The following EVI5 variants were observed in gnomAD, a reference collection of about 807,000 sequenced individuals.
The protein encoded by EVI5 is ecotropic viral integration site 5 protein homolog.
A neutral mutation model predicts 112.0 loss-of-function variants in EVI5; 73 were observed. The ratio of observed to expected loss-of-function variants is 0.65; its 90% CI spans 0.54 to 0.79. The LOEUF is 0.79. Among genes scored for constraint, EVI5 ranks in the 30% least tolerant of loss-of-function variants. The pLI is 0.00. For missense variants in EVI5, 900 were observed against 968.8 expected (o/e 0.93, Z 0.94); for synonymous variants, 305 against 319.9 (o/e 0.95, Z 0.50).
chr1:92,790,992 G>A (rs1281585680), intron 1 of EVI5, among the ~76,000 whole-genome samples: 1 of 152,110 alleles, frequency 6.6e-6, no homozygotes, highest in Non-Finnish European at 1.5e-5. Context: ...GACTAGATCT[G>A]CCATGACTAT....
chr1:92,571,105 T>C (rs1670263469), intron 18 of EVI5, among the ~76,000 whole-genome samples: 1 of 151,440 alleles, frequency 6.6e-6, no homozygotes, highest in Non-Finnish European at 1.5e-5. Flanking sequence ...GTTGGGTTTC[T>C]TCCGCAAAAC....
chr1:92,779,561 C>T (rs1052948865), intron 1 of EVI5, among the ~76,000 whole-genome samples: 1 of 151,664 alleles, frequency 6.6e-6, no homozygotes, highest in African/African-American at 2.4e-5. Flanking sequence ...TTTTAACATT[C>T]TCAGAGAGAT....
At chr1:92,768,823 C>A (rs1004721596) in intron 1 of EVI5, among the ~76,000 whole-genome samples, 1 of 152,096 alleles carries the variant, frequency 6.6e-6, no homozygotes, top group African/African-American at 2.4e-5. Context: ...TGCAGTGAGC[C>A]ATGAACGCAC....
At position 92,702,203 on chromosome 1, in the gene EVI5, C is replaced by G. The variant is rs1026491309; in HGVS notation, c.577G>C (p.Val193Leu). 2 of 1,509,280 alleles carry G rather than the reference C, an allele frequency of 1.3e-6. No individual in the cohort carries two copies. Among genetic ancestry groups the G allele is most frequent in the Non-Finnish European group, 1.8e-6 (2 of 1,133,284 alleles). 93.5% of individuals were successfully genotyped at this position (1,509,280 alleles called of 1,614,324 possible). ...LFNVMKAYSL[V>L]DREVGYCQGS... ...TGACAGTAACCAACCTCACGATCTA[C>G]TAAAGAGTAAGCCTAAAAAGTAAAA... The change falls in exon 5 of 20, where the codon GTA becomes CTA. Residue 193 changes from valine (V) to leucine (L), a missense_variant. By Grantham distance (32) the Val-to-Leu change is conservative. Coordinates refer to ENST00000684568, the MANE Select transcript of EVI5 (RefSeq NM_001350197.2).
chr1:92,699,533 G>T (rs779770494), intron 5 of EVI5, among the ~76,000 whole-genome samples: 2 of 152,098 alleles, frequency 1.3e-5, no homozygotes, highest in African/African-American at 2.4e-5. Context: ...CACAGCACTG[G>T]AAGGGGACAG....
rs1269918734 is a variant in EVI5 at position 92,726,097 on chromosome 1, G to A, written c.149+10301C>T. ...AACAACTTCAAGTGGCCTAATATGT[G>A]TGTACTTAGAGTCTCTAAAGAAGAG... On this transcript the variant is annotated intron_variant, in intron 2 of 19. Coordinates refer to ENST00000684568, the MANE Select transcript of EVI5 (RefSeq NM_001350197.2). Among the ~76,000 whole-genome samples the A allele has an allele frequency of 2.6e-5, 4 of 152,292 alleles. No homozygotes were observed. The East Asian group carries it at 7.7e-4, about 29-fold the overall frequency.
At chr1:92,545,353 G>A (rs1004096766) in intron 19 of EVI5, among the ~76,000 whole-genome samples, 2 of 151,308 alleles carry the variant, frequency 1.3e-5, no homozygotes, top group South Asian at 4.2e-4. Flanking sequence ...TGAGACTATA[G>A]GCCATTGTGC....
In EVI5 at chr1:92,680,120, G is replaced by C. The variant is rs75281831; in HGVS notation, c.1098-2902C>G. ...ATTTTCTATACACTATTAACAGAGTGATCTTTTTTTAAAATGTTGATTTGG... is the reference window on the plus strand; with the variant it reads ...ATTTTCTATACACTATTAACAGAGTCATCTTTTTTTAAAATGTTGATTTGG... On this transcript the variant is annotated intron_variant, in intron 9 of 19. Transcript: ENST00000684568. Among the ~76,000 whole-genome samples the C allele has an allele frequency of 5.7e-3, 870 of 152,270 alleles. 7 individuals carry two copies. The highest frequency in any genetic ancestry group is 0.02 in the African/African-American group (838 of 41,552).
rs189250533 is a variant in EVI5, at chr1:92,546,794, G to A, written c.2166+16848C>T. Among the ~76,000 whole-genome samples, 315 of 152,250 alleles carry A rather than the reference G, an allele frequency of 2.1e-3. 6 individuals are homozygous for A. Among genetic ancestry groups the A allele is most frequent in the Admixed American group, 0.019 (289 of 15,306 alleles). Reference sequence around the variant, plus strand: ...TAAAGGGATCAATTCAACAAGAAGAGCTAACTATCCTAAACACGTATCACC... The same window carrying A: ...TAAAGGGATCAATTCAACAAGAAGAACTAACTATCCTAAACACGTATCACC... On this transcript the variant is annotated intron_variant, in intron 19 of 19. Transcript: ENST00000684568.
intron 18 of EVI5, among the ~76,000 whole-genome samples, chr1:92,565,045 A>C (rs548799199): frequency 6.6e-6 from 1 of 152,296 alleles, no homozygotes; most frequent in East Asian, 1.9e-4. Flanking sequence ...ATTTATAATT[A>C]GGAAGCCATG....
At chr1:92,561,072 T>C (rs1370604760) in intron 19 of EVI5, among the ~76,000 whole-genome samples, 1 of 152,184 alleles carries the variant, frequency 6.6e-6, no homozygotes, top group Non-Finnish European at 1.5e-5. Context: ...ATAGACACTC[T>C]GAAATGTTTA....
intron 2 of EVI5, among the ~76,000 whole-genome samples, chr1:92,714,606 CA>C (rs1453696061): frequency 6.6e-6 from 1 of 152,108 alleles, no homozygotes; most frequent in Non-Finnish European, 1.5e-5. Flanking sequence ...TCTTATTTTT[CA>C]AAGAGAGGGT....
At chr1:92,617,143 C>T (rs1023215588) in intron 16 of EVI5, among the ~76,000 whole-genome samples, 11 of 152,210 alleles carry the variant, frequency 7.2e-5, no homozygotes, top group Non-Finnish European at 1.3e-4. Flanking sequence ...TGGACAGCCA[C>T]AGCACTACAG....
chr1:92,724,629 G>A lies in EVI5; in HGVS notation c.149+11769C>T, dbSNP rs187478684. On this transcript the variant is annotated intron_variant, in intron 2 of 19. Transcript: ENST00000684568. ...TCGAGACAAGCCTGGACAACACGGC[G>A]AAACCCCATCTCTATAAAAAGTACA... Among the ~76,000 whole-genome samples, 587 of 152,068 alleles carry A rather than the reference G, an allele frequency of 3.9e-3. 2 individuals are homozygous for A. Among genetic ancestry groups the A allele is most frequent in the South Asian group, 0.017 (83 of 4,808 alleles).
rs1297282636 is a variant in EVI5, at chr1:92,563,660, T to C, written c.2148A>G (p.Ile716Met). Residue 716 changes from isoleucine to methionine, a missense_variant, in exon 19 of 20, where the codon ATA becomes ATG. By Grantham distance (10) the Ile-to-Met change is conservative. Transcript: ENST00000684568. ...NQYIGELKDQ[I>M]AELNHELRCL... ...CACTTACCTCATGATTCAGCTCTGC[T>C]ATCTGATCTTTCAGTTCCCCAATAT... 17 of 1,591,962 alleles carry C rather than the reference T, an allele frequency of 1.1e-5. No homozygotes were observed. Among genetic ancestry groups the C allele is most frequent in the African/African-American group, 2.7e-5 (2 of 74,478 alleles).
chr1:92,726,612 G>C (rs923094707), intron 2 of EVI5, among the ~76,000 whole-genome samples: 1 of 151,982 alleles, frequency 6.6e-6, no homozygotes, highest in African/African-American at 2.4e-5. Context: ...TGGATCTAAA[G>C]AAAGGACAGA....
intron 13 of EVI5, among the ~76,000 whole-genome samples, chr1:92,653,371 T>C (rs979530988): frequency 2.0e-5 from 3 of 152,148 alleles, no homozygotes; most frequent in Admixed American, 6.5e-5. Flanking sequence ...CCAGAACACA[T>C]ACTTTCCTGT....
intron 16 of EVI5, among the ~76,000 whole-genome samples, chr1:92,616,130 A>T (rs1163949707): frequency 6.6e-6 from 1 of 152,192 alleles, no homozygotes; most frequent in Non-Finnish European, 1.5e-5. Context: ...TTTAATGTAG[A>T]GGATGGAATC....
intron 10 of EVI5, 73 bp downstream of exon 10, chr1:92,677,085 C>A: frequency 1.1e-6 from 1 of 913,552 alleles, no homozygotes; most frequent in South Asian, 1.5e-5. Context: ...ATAAGAAGTA[C>A]AAACTTTAAA....
Sources: allele counts gnomAD v4.1 joint callset (sites outside exome capture counted in the v4.1 genomes callset), GRCh38; gene constraint gnomAD v4.1.1; transcripts MANE v1.5; gene names NCBI Gene and HGNC (gene_info 2026-07-23, HGNC 2026-07-21).